The following ZEB2 variants were observed in gnomAD, a reference collection of about 807,000 sequenced individuals.
The protein encoded by ZEB2 is zinc finger E-box-binding homeobox 2.
In ZEB2, 6 loss-of-function variants were observed where a neutral mutation model predicts 99.9. That is an observed-to-expected ratio of 0.06 (90% CI 0.03 to 0.12). ZEB2 has a LOEUF of 0.12. ZEB2 is among the 10% of genes least tolerant of loss of function. The probability of loss-of-function intolerance (pLI) is 1.00; values close to 1 mark genes in which losing one functional copy is unlikely to be tolerated. For synonymous variants in ZEB2, 517 were observed against 542.5 expected (o/e 0.95, Z 0.65); for missense variants, 969 against 1,502.8 (o/e 0.64, Z 5.87).
chr2:144,513,506 A>G, intron 2 of ZEB2: 8 of 1,526,124 alleles, frequency 5.2e-6, no homozygotes, highest in Non-Finnish European at 7.0e-6. Context: ...TTTTCTTTAA[A>G]AGACAACTTC....
chr2:144,399,012 G>A lies in ZEB2; in HGVS notation c.2175C>T (p.Asp725=), dbSNP rs1184693387. 5 of 1,614,022 alleles carry A rather than the reference G, an allele frequency of 3.1e-6. No homozygotes were observed. The highest frequency in any genetic ancestry group is 4.2e-6 in the Non-Finnish European group (5 of 1,179,996). The change falls in exon 8 of 10, where the codon GAC becomes GAT. Residue 725 remains aspartate (D), a synonymous_variant. Transcript: ENST00000627532. This position sits in a 1 kb window ranked among gnomAD's most constrained non-coding sequence, Gnocchi z 5.6. The part of the protein sequence containing the change: ...LAPNSNPPTK[D]SLLPRSPVKP... ...TTACAGGAGACCTGGGTAATAAAGA[G>A]TCTTTTGTGGGAGGGTTACTGTTGG...
intron 2 of ZEB2, chr2:144,516,759 A>T (rs1705153431): frequency 6.6e-6 from 1 of 151,360 alleles, no homozygotes; most frequent in Admixed American, 6.6e-5. Flanking sequence ...CGCACCGAGA[A>T]GCGGCCGGGC....
chr2:144,485,651 A>T (rs1291612871), intron 2 of ZEB2, among the ~76,000 whole-genome samples: 1 of 151,896 alleles, frequency 6.6e-6, no homozygotes, highest in Non-Finnish European at 1.5e-5. Flanking sequence ...TCAGAGTCTC[A>T]CGCTGTCACC....
chr2:144,430,091 T>A, intron 2 of ZEB2, 65 bp from the exon 3 acceptor site: 1 of 1,597,242 alleles, frequency 6.3e-7, no homozygotes, highest in Non-Finnish European at 8.5e-7. Context: ...CACCCCTAAT[T>A]GTTTAGTTAA....
chr2:144,493,105 C>A (rs1704705806), intron 2 of ZEB2, among the ~76,000 whole-genome samples: 1 of 152,050 alleles, frequency 6.6e-6, no homozygotes, highest in South Asian at 2.1e-4. Flanking sequence ...AATAGCATGC[C>A]AATCACTATG....
chr2:144,512,767 T>A, intron 2 of ZEB2: 2 of 1,287,022 alleles, frequency 1.6e-6, no homozygotes, highest in Non-Finnish European at 2.0e-6. Flanking sequence ...AACAAATAGA[T>A]CAGCCTAGAT....
At chr2:144,430,173 G>T in intron 2 of ZEB2, 147 bp from the exon 3 acceptor site, 2 of 1,221,078 alleles carry the variant, frequency 1.6e-6, no homozygotes, top group Non-Finnish European at 2.3e-6. Flanking sequence ...ATATCCTTCA[G>T]GTTTTAGCAT....
rs200486379 is a variant in ZEB2, at chr2:144,446,657, AT to A, written c.74-16632del. ...AATAGTCATTAATCAATCTACTCTC[AT>A]TTTTTTTTCTTCTTTCAAAAACTTC... On this transcript the variant is annotated intron_variant, in intron 2 of 9. Coordinates refer to ENST00000627532, the MANE Select transcript of ZEB2 (RefSeq NM_014795.4). 4.0e-5 allele frequency among the ~76,000 whole-genome samples: 6 copies of A among 150,776 alleles called. No homozygotes were observed. The East Asian group carries it at 5.8e-4, about 15-fold the overall frequency.
chr2:144,450,426 A>G (rs1475083205), intron 2 of ZEB2: 1 of 152,228 alleles, frequency 6.6e-6, no homozygotes, highest in East Asian at 1.9e-4. Flanking sequence ...TTAAACTTAC[A>G]TAAAAATAAA....
At chr2:144,401,384 C>T (rs1703308111) in intron 6 of ZEB2, 77 bp from the exon 7 acceptor site, 2 of 1,454,092 alleles carry the variant, frequency 1.4e-6, no homozygotes, top group Admixed American at 1.7e-5. Context: ...TTTTAAAAGG[C>T]CTCTGTTTTT....
intron 4 of ZEB2, among the ~76,000 whole-genome samples, chr2:144,416,021 C>T (rs1703535352): frequency 6.6e-6 from 1 of 152,234 alleles, no homozygotes. Flanking sequence ...AGTGCTTAGG[C>T]TTTCTCTAAT....
Position 144,398,983 on chromosome 2 carries a change from G to C in ZEB2, c.2204C>G (p.Pro735Arg), listed in dbSNP as rs748324511. 2 of 1,614,176 alleles carry C rather than the reference G, an allele frequency of 1.2e-6. No individual in the cohort carries two copies. Among genetic ancestry groups the C allele is most frequent in the Admixed American group, 1.7e-5 (1 of 60,014 alleles). Reference protein sequence around the residue: ...DSLLPRSPVKPMDSITSPSIA... With the variant: ...DSLLPRSPVKRMDSITSPSIA... ...AGATGGTGATGTTATGGAGTCCATA[G>C]GTTTTACAGGAGACCTGGGTAATAA... Residue 735 changes from proline (P) to arginine (R), a missense_variant, in exon 8 of 10, where the codon CCT (proline) becomes CGT (arginine). Transcript: ENST00000627532.
chr2:144,390,615 T>G (rs997014887), intron 9 of ZEB2: 2 of 165,972 alleles, frequency 1.2e-5, no homozygotes, highest in African/African-American at 4.8e-5. Flanking sequence ...AGAATAAAAA[T>G]CAGAGAAGAA....
In ZEB2 at chr2:144,398,405, G is replaced by T; in HGVS notation, c.2782C>A (p.Gln928Lys). Reference sequence around the variant, plus strand: ...GCCATATGTGGTAGGAAGCTCATCTGATCCAGTCCTGGGTATGGTCGTAGC... The same window carrying T: ...GCCATATGTGGTAGGAAGCTCATCTTATCCAGTCCTGGGTATGGTCGTAGC... ...PGLRPYPGLDQMSFLPHMAYT... is the reference protein window; with the variant it reads ...PGLRPYPGLDKMSFLPHMAYT... The change falls in exon 8 of 10, where the codon CAG becomes AAG. Residue 928 changes from glutamine (Q) to lysine (K), a missense_variant. Around this residue, in one of 8 missense-constraint regions of ZEB2, gnomAD observed 346 missense variants for 460.0 expected, o/e 0.75. Transcript: ENST00000627532. 6.2e-7 allele frequency: 1 copy of T among 1,614,076 alleles called. No homozygotes were observed. Among genetic ancestry groups the T allele is most frequent in the South Asian group, 1.1e-5 (1 of 91,054 alleles).
chr2:144,441,132 C>T (rs919930986), intron 2 of ZEB2, among the ~76,000 whole-genome samples: 2 of 143,228 alleles, frequency 1.4e-5, no homozygotes, highest in African/African-American at 5.3e-5. Context: ...AATGATCACC[C>T]TCTTTTCCTT....
At chr2:144,416,920 T>C (rs1476331600) in intron 4 of ZEB2, among the ~76,000 whole-genome samples, 1 of 152,248 alleles carries the variant, frequency 6.6e-6, no homozygotes, top group Non-Finnish European at 1.5e-5. Flanking sequence ...GCTTGCTGTA[T>C]TTCAAATAAA....
At chr2:144,497,650 A>C (rs1704784245) in intron 2 of ZEB2, 1 of 167,048 alleles carries the variant, frequency 6.0e-6, no homozygotes, top group South Asian at 2.0e-4. Flanking sequence ...TAATAGCAGA[A>C]TGAACTGAGT....
intron 2 of ZEB2, among the ~76,000 whole-genome samples, chr2:144,515,374 G>A (rs1400607301): frequency 6.6e-6 from 1 of 152,088 alleles, no homozygotes; most frequent in Non-Finnish European, 1.5e-5. Context: ...AAAAGGAACA[G>A]AGGAAACACA....
intron 2 of ZEB2, among the ~76,000 whole-genome samples, chr2:144,436,186 T>C (rs570780818): frequency 6.6e-6 from 1 of 152,294 alleles, no homozygotes; most frequent in Admixed American, 6.5e-5. Flanking sequence ...AATGAATTAA[T>C]GCCAGTTAGA....
Sources: gnomAD v4.1 joint callset for allele counts (sites outside exome capture counted in the v4.1 genomes callset) on GRCh38, gnomAD v4.1.1 for gene constraint, gnomAD v4.1.1 regional missense constraint, Gnocchi (gnomAD v3.1) non-coding constraint, MANE v1.5 for transcripts, NCBI Gene and HGNC (gene_info 2026-07-23, HGNC 2026-07-21) for gene names.